The following C11orf68 variants were observed in gnomAD, a reference collection of about 807,000 sequenced individuals.
C11orf68 encodes UPF0696 protein C11orf68.
Under a neutral mutation model 4.7 loss-of-function variants are expected in C11orf68, and 3 were observed. The observed-to-expected ratio is 0.64, with a 90% CI of 0.29 to 1.66. C11orf68 has a LOEUF of 1.66. C11orf68 is among the 40% of genes most tolerant of loss of function. The pLI is 0.10. For missense variants in C11orf68, 422 were observed against 408.0 expected (o/e 1.03, Z -0.30); for synonymous variants, 186 against 167.8 (o/e 1.11, Z -0.84).
Position 65,917,967 on chromosome 11 carries a change from C to T in C11orf68, c.374G>A (p.Gly125Glu). The T allele has an allele frequency of 1.2e-6, 2 of 1,606,936 alleles. No individual in the cohort carries two copies. The highest frequency in any genetic ancestry group is 2.2e-5 in the East Asian group (1 of 44,866). The change falls in exon 2 of 2, where the codon GGG becomes GAG. Residue 125 changes from glycine to glutamate, a missense_variant. By Grantham distance (98) the Gly-to-Glu change is moderately conservative. Transcript: ENST00000438576. ...SEPVGWIAVY[G>E]QGYSPNSGDV... The stretch of plus-strand genomic sequence containing the variant: ...CCCGGAGTTGGGGCTGTAGCCCTGC[C>T]CATACACTGCAATCCAGCCCACAGG...
Position 65,917,678 on chromosome 11 carries a change from G to A in C11orf68, c.663C>T (p.Phe221=), listed in dbSNP as rs748877234. The part of the protein sequence containing the change: ...RQVICVYTDD[F]TDRLGVLEAD... ...CCTCCAGTACACCCAAGCGGTCCGT[G>A]AAGTCGTCCGTGTAAACACAGATGA... Residue 221 remains phenylalanine, a synonymous_variant, in exon 2 of 2, where the codon TTC becomes TTT. Transcript: ENST00000438576. 1.2e-6 allele frequency: 2 copies of A among 1,614,022 alleles called. No individual in the cohort carries two copies. Among genetic ancestry groups the A allele is most frequent in the South Asian group, 2.2e-5 (2 of 91,088 alleles).
Position 65,918,090 on chromosome 11 carries a change from G to T in C11orf68, c.251C>A (p.Ala84Asp), listed in dbSNP as rs750770390. The change falls in exon 2 of 2, where the codon GCC (alanine) becomes GAC (aspartate). Residue 84 changes from alanine to aspartate, a missense_variant. Coordinates refer to ENST00000438576, the MANE Select transcript of C11orf68 (RefSeq NM_001135635.2). ...CAGCTCAGTGGCAGGCGTTGTGCGG[G>T]CATCAAACACTAGCCAGGGGTCCAT... ...ADMDPWLVFD[A>D]RTTPATELDA... 1.9e-6 allele frequency: 3 copies of T among 1,610,516 alleles called. No homozygotes were observed. The highest frequency in any genetic ancestry group is 2.5e-6 in the Non-Finnish European group (3 of 1,178,482).
rs771955929 is a variant in C11orf68 at position 65,917,939 on chromosome 11, G to C, written c.402C>G (p.Asp134Glu). 20 of 1,607,570 alleles carry C rather than the reference G, an allele frequency of 1.2e-5. No homozygotes were observed. The East Asian group carries it at 4.0e-4, about 32-fold the overall frequency. ...YGQGYSPNSGDVQGLQAAWEA... is the reference protein window; with the variant it reads ...YGQGYSPNSGEVQGLQAAWEA... ...CCCAGGCTGCCTGCAGGCCCTGCAC[G>C]TCCCCGGAGTTGGGGCTGTAGCCCT... Residue 134 changes from aspartate (D) to glutamate (E), a missense_variant, in exon 2 of 2, where the codon GAC (aspartate) becomes GAG (glutamate). Coordinates refer to ENST00000438576, the MANE Select transcript of C11orf68 (RefSeq NM_001135635.2).
At position 65,917,910 on chromosome 11, in the gene C11orf68, G is replaced by GCTTCCCAGGCTGCCTGCAGGC; in HGVS notation, c.410_430dup (p.Gly137_Glu143dup). ...GATGGGCCGCCCACTGGTCTGCAGAGCTTCCCAGGCTGCCTGCAGGCCCTG... is the reference window on the plus strand; with the variant it reads ...GATGGGCCGCCCACTGGTCTGCAGAGCTTCCCAGGCTGCCTGCAGGCCTTCCCAGGCTGCCTGCAGGCCCTG... On this transcript the variant is annotated inframe_insertion, in exon 2 of 2. Transcript: ENST00000438576. The GCTTCCCAGGCTGCCTGCAGGC allele has an allele frequency of 6.2e-7, 1 of 1,609,102 alleles. No individual in the cohort carries two copies. Among genetic ancestry groups the GCTTCCCAGGCTGCCTGCAGGC allele is most frequent in the Non-Finnish European group, 8.5e-7 (1 of 1,179,968 alleles).
chr11:65,919,039 C>G lies in C11orf68; in HGVS notation c.-8G>C, dbSNP rs1255364413. ...CGCCGCCGCCGCCGCCATCTTAGCG[C>G]CGCGCCACCTCAACAACAACTTTAT... is the stretch of plus-strand genomic sequence containing the variant. On this transcript the variant is annotated 5_prime_UTR_variant, in exon 1 of 2. Transcript: ENST00000438576. The G allele has an allele frequency of 1.8e-6, 2 of 1,137,180 alleles. No homozygotes were observed. Among genetic ancestry groups the G allele is most frequent in the South Asian group, 4.2e-5 (1 of 24,034 alleles). The allele number at this position is 1,137,180 out of a possible 1,614,324, so 70.4% of individuals were successfully genotyped here.
At position 65,917,167 on chromosome 11, in the gene C11orf68, CCTT is replaced by C; in HGVS notation, c.*289_*291del. The C allele has an allele frequency of 2.6e-6, 1 of 386,644 alleles. No individual in the cohort carries two copies. The highest frequency in any genetic ancestry group is 4.7e-6 in the Non-Finnish European group (1 of 213,746). 24.0% of individuals were successfully genotyped at this position (386,644 alleles called of 1,614,324 possible). ...GGGATGAGCGTTCCAAGAAGTCTCTCCTTCTAGGTGTCTGCACCCAACTCATGG... is the reference window on the plus strand; with the variant it reads ...GGGATGAGCGTTCCAAGAAGTCTCTCCTAGGTGTCTGCACCCAACTCATGG... On this transcript the variant is annotated 3_prime_UTR_variant, in exon 2 of 2. Transcript: ENST00000438576.
At chr11:65,918,832 C>A in intron 1 of C11orf68, 78 bp downstream of exon 1, 1 of 1,086,840 alleles carries the variant, frequency 9.2e-7, no homozygotes. Context: ...GTGCCGCGCC[C>A]GCCGCCATTA....
At position 65,918,926 on chromosome 11, in the gene C11orf68, G is replaced by T. The variant is rs1565297259; in HGVS notation, c.106C>A (p.Arg36Ser). 7.9e-7 allele frequency: 1 copy of T among 1,264,532 alleles called. No homozygotes were observed. The highest frequency in any genetic ancestry group is 4.4e-5 in the East Asian group (1 of 22,900). The allele number at this position is 1,264,532 out of a possible 1,614,324, so 78.3% of individuals were successfully genotyped here. ...CGCAGTCACCTCCGGCCTTCGCTGC[G>T]TTCGACGCCGGCCCAGCCCCGGGCC... ...SRARGWAGVE[R>S]SEGRSRMEPG... is the part of the protein sequence containing the mutation. Residue 36 changes from arginine (R) to serine (S), a missense_variant, in exon 1 of 2, where the codon CGC becomes AGC. Transcript: ENST00000438576.
Position 65,917,498 on chromosome 11 carries a change from G to A in C11orf68, c.843C>T (p.Ser281=), listed in dbSNP as rs1227892010. 2.5e-6 allele frequency: 4 copies of A among 1,613,662 alleles called. No individual in the cohort carries two copies. The highest frequency in any genetic ancestry group is 2.2e-5 in the East Asian group (1 of 44,890). ...RFQLGGSARG[S]RVLDRANNVE... Reference sequence around the variant, plus strand: ...CGTTGTTGGCACGGTCAAGCACTCGGGAGCCACGGGCACTACCCCCAAGCT... The same window carrying A: ...CGTTGTTGGCACGGTCAAGCACTCGAGAGCCACGGGCACTACCCCCAAGCT... The change falls in exon 2 of 2, where the codon TCC becomes TCT. Residue 281 remains serine (S), a synonymous_variant. Coordinates refer to ENST00000438576, the MANE Select transcript of C11orf68 (RefSeq NM_001135635.2).
chr11:65,917,430 G>A lies in C11orf68; in HGVS notation c.*29C>T, dbSNP rs1439984499. 1.9e-6 allele frequency: 3 copies of A among 1,574,648 alleles called. No homozygotes were observed. The highest frequency in any genetic ancestry group is 2.6e-6 in the Non-Finnish European group (3 of 1,158,970). ...GGATCCAACCCCAGCATGGAGGGGG[G>A]AGTGGGCAGTCTCCCCAATTTGGCC... On this transcript the variant is annotated 3_prime_UTR_variant, in exon 2 of 2. Coordinates refer to ENST00000438576, the MANE Select transcript of C11orf68 (RefSeq NM_001135635.2).
rs754012641 is a variant in C11orf68 at position 65,917,638 on chromosome 11, G to A, written c.703C>T (p.Arg235Cys). ...LGVLEADSAI[R>C]AAGIKCLLTY... ...AGCAGGCACTTAATGCCCGCTGCAC[G>A]GATGGCTGAATCCGCCTCCAGTACA... Residue 235 changes from arginine to cysteine, a missense_variant, in exon 2 of 2, where the codon CGT (arginine) becomes TGT (cysteine). Physicochemically the swap from Arg to Cys is radical, Grantham distance 180. Transcript: ENST00000438576. 3.7e-6 allele frequency: 6 copies of A among 1,613,896 alleles called. No individual in the cohort carries two copies. The Admixed American group carries it at 5.0e-5, about 13-fold the overall frequency.
At chr11:65,918,421 G>A (rs183268771) in intron 1 of C11orf68, 2 of 560,374 alleles carry the variant, frequency 3.6e-6, no homozygotes, top group East Asian at 3.1e-5. Flanking sequence ...AAGGGTTGCT[G>A]CAGTTATTAC....
Position 65,918,902 on chromosome 11 carries a change from G to A in C11orf68, c.122+8C>T, listed in dbSNP as rs1159946329. 2 of 1,245,274 alleles carry A rather than the reference G, an allele frequency of 1.6e-6. No individual in the cohort carries two copies. The highest frequency in any genetic ancestry group is 6.9e-5 in the Admixed American group (2 of 29,168). 77.1% of individuals were successfully genotyped at this position (1,245,274 alleles called of 1,614,324 possible). On this transcript the variant is annotated splice_region_variant and intron_variant, in intron 1 of 1. Transcript: ENST00000438576. ...CCCTGCCCTGCCCCTCCCGCCGCCC[G>A]CAGTCACCTCCGGCCTTCGCTGCGT...
rs1854503463 is a variant in C11orf68 at position 65,918,964 on chromosome 11, TGCCGTGG to T, written c.61_67del (p.Pro21ArgfsTer58). ...CCAGCCCCGGGCCCGGCTCCGCTCCTGCCGTGGCTCCGCGCCACCGCCACCGCGCCCC... is the reference window on the plus strand; with the variant it reads ...CCAGCCCCGGGCCCGGCTCCGCTCCTCTCCGCGCCACCGCCACCGCGCCCC... On this transcript the variant is annotated frameshift_variant, in exon 1 of 2. Coordinates refer to ENST00000438576, the MANE Select transcript of C11orf68 (RefSeq NM_001135635.2). LOFTEE classifies it high-confidence loss of function. 1 of 1,198,576 alleles carries T rather than the reference TGCCGTGG, an allele frequency of 8.3e-7. No individual in the cohort carries two copies. 74.2% of individuals were successfully genotyped at this position (1,198,576 alleles called of 1,614,324 possible). A position where few individuals can be genotyped will look rare whatever the true frequency, so the allele number is the denominator to read the frequency against.
Position 65,918,070 on chromosome 11 carries a change from C to A in C11orf68, c.271G>T (p.Glu91Ter). 6.2e-7 allele frequency: 1 copy of A among 1,610,858 alleles called. No homozygotes were observed. Among genetic ancestry groups the A allele is most frequent in the Non-Finnish European group, 8.5e-7 (1 of 1,178,500 alleles). ...TACTTGGCCAGCCAGGCATCCAGCT[C>A]AGTGGCAGGCGTTGTGCGGGCATCA... ...VFDARTTPAT[E>*]LDAWLAKYPP... Residue 91 changes from glutamate (E) to a stop codon, truncating the protein, a stop_gained, in exon 2 of 2, where the codon GAG (glutamate) becomes TAG (stop). Transcript: ENST00000438576. LOFTEE classifies it low-confidence loss of function (END_TRUNC).
chr11:65,918,878 C>G (rs1460066724), intron 1 of C11orf68, 32 bp downstream of exon 1: 2 of 1,224,592 alleles, frequency 1.6e-6, no homozygotes, highest in Admixed American at 8.0e-5. Flanking sequence ...CCGCCCCGGC[C>G]CTGCCCTGCC....
intron 1 of C11orf68, 114 bp from the exon 2 acceptor site, chr11:65,918,332 T>C: frequency 8.1e-7 from 1 of 1,236,912 alleles, no homozygotes. Flanking sequence ...AGTTGCCTCA[T>C]CTTTACAATG....
chr11:65,918,914 G>C lies in C11orf68; in HGVS notation c.118C>G (p.Arg40Gly). 7.9e-7 allele frequency: 1 copy of C among 1,259,690 alleles called. No individual in the cohort carries two copies. The highest frequency in any genetic ancestry group is 1.0e-6 in the Non-Finnish European group (1 of 989,412). 78.0% of individuals were successfully genotyped at this position (1,259,690 alleles called of 1,614,324 possible). The part of the protein sequence containing the change: ...GWAGVERSEG[R>G]SRMEPGEELE... ...CCTCCCGCCGCCCGCAGTCACCTCC[G>C]GCCTTCGCTGCGTTCGACGCCGGCC... Residue 40 changes from arginine (R) to glycine (G), a missense_variant, in exon 1 of 2, where the codon CGG becomes GGG. By Grantham distance (125) the Arg-to-Gly change is moderately radical. Transcript: ENST00000438576.
In C11orf68 at chr11:65,917,239, G is replaced by C; in HGVS notation, c.*220C>G. ...AGCAGCATTACAAAGGGAGGCTGAA[G>C]GCTCATCCCTCAGGGAACCGGAGCC... On this transcript the variant is annotated 3_prime_UTR_variant, in exon 2 of 2. Coordinates refer to ENST00000438576, the MANE Select transcript of C11orf68 (RefSeq NM_001135635.2). The C allele has an allele frequency of 1.7e-6, 1 of 586,612 alleles. No individual in the cohort carries two copies. Among genetic ancestry groups the C allele is most frequent in the Non-Finnish European group, 3.0e-6 (1 of 334,448 alleles). The allele number at this position is 586,612 out of a possible 1,614,324, so 36.3% of individuals were successfully genotyped here.
Sources: allele counts gnomAD v4.1 joint callset, GRCh38; gene constraint gnomAD v4.1.1; transcripts MANE v1.5; gene names NCBI Gene and HGNC (gene_info 2026-07-23, HGNC 2026-07-21).